Variants in NRG1 observed in about 807,000 individuals in gnomAD.
NRG1 encodes the protein neuregulin 1.
A neutral mutation model predicts 63.8 loss-of-function variants in NRG1; 18 were observed. The ratio of observed to expected loss-of-function variants is 0.28; its 90% CI spans 0.19 to 0.42. NRG1 has a LOEUF of 0.42. NRG1 is among the 10% of genes least tolerant of loss of function. The pLI is 1.00. For missense variants in NRG1, 762 were observed against 814.7 expected (o/e 0.94, Z 0.79); for synonymous variants, 302 against 301.3 (o/e 1.00, Z -0.02).
At chr8:32,369,666 G>T (rs1808552864) in intron 1 of NRG1, among the ~76,000 whole-genome samples, 1 of 152,168 alleles carries the variant, frequency 6.6e-6, no homozygotes, top group Non-Finnish European at 1.5e-5. Flanking sequence ...AAAGCTGCAG[G>T]TTGTCTGCCA....
At chr8:32,361,727 A>C (rs1001925824) in intron 1 of NRG1, among the ~76,000 whole-genome samples, 1 of 152,148 alleles carries the variant, frequency 6.6e-6, no homozygotes, top group Admixed American at 6.6e-5. Flanking sequence ...TCATTGCTCA[A>C]ACTTCCTGTA....
chr8:32,495,594 C>T (rs1827114646), intron 1 of NRG1, among the ~76,000 whole-genome samples: 1 of 152,104 alleles, frequency 6.6e-6, no homozygotes, highest in African/African-American at 2.4e-5. Flanking sequence ...TCCCGAGCAG[C>T]TGGGATTACA....
At chr8:31,907,453 G>A (rs1338542183) in intron 1 of NRG1, among the ~76,000 whole-genome samples, 3 of 150,498 alleles carry the variant, frequency 2.0e-5, no homozygotes, top group East Asian at 2.0e-4. Context: ...TGTAGTTCTC[G>A]AGAGTTATAG....
intron 1 of NRG1, among the ~76,000 whole-genome samples, chr8:32,486,184 G>A (rs1014652316): frequency 6.6e-6 from 1 of 151,878 alleles, no homozygotes; most frequent in Non-Finnish European, 1.5e-5. Context: ...TGCCCACTTC[G>A]GCCTCCCAAA....
intron 5 of NRG1, 121 bp from the exon 6 acceptor site, chr8:32,727,828 C>A (rs1200279812): frequency 2.2e-6 from 2 of 928,306 alleles, no homozygotes; most frequent in Non-Finnish European, 3.2e-6. Context: ...GTAAGGTCTG[C>A]AAGTTTAGTG....
chr8:32,379,879 G>A (rs1018402512), intron 1 of NRG1, among the ~76,000 whole-genome samples: 8 of 152,168 alleles, frequency 5.3e-5, no homozygotes, highest in Non-Finnish European at 7.4e-5. Context: ...GGATTTCCCC[G>A]TATCATGAAT....
At chr8:32,623,762 A>T (rs1169796150) in intron 5 of NRG1, among the ~76,000 whole-genome samples, 1 of 152,162 alleles carries the variant, frequency 6.6e-6, no homozygotes, top group Non-Finnish European at 1.5e-5. Context: ...TTTTTTAAAC[A>T]ATACTGCTTG....
At chr8:32,376,597 G>A (rs10503913) in intron 1 of NRG1, among the ~76,000 whole-genome samples, 125,202 of 152,152 alleles carry the variant, frequency 0.82, 51,627 homozygotes, top group Middle Eastern at 0.9. Flanking sequence ...ATAAATTGGG[G>A]CTATCCATTG....
At chr8:31,925,090 T>G (rs1834229053) in intron 1 of NRG1, among the ~76,000 whole-genome samples, 1 of 35,108 alleles carries the variant, frequency 2.8e-5, no homozygotes, top group Non-Finnish European at 6.5e-5. Flanking sequence ...AAGCAGTGCA[T>G]TATAAATGCA....
intron 1 of NRG1, among the ~76,000 whole-genome samples, chr8:31,687,499 C>T (rs1809025694): frequency 6.6e-6 from 1 of 152,224 alleles, no homozygotes; most frequent in Non-Finnish European, 1.5e-5. Context: ...TGTACCTGAT[C>T]TGCAGACTGA....
At chr8:32,553,006 C>G (rs1262420237) in intron 1 of NRG1, among the ~76,000 whole-genome samples, 1 of 152,122 alleles carries the variant, frequency 6.6e-6, no homozygotes, top group Non-Finnish European at 1.5e-5. Context: ...GTCATCCGTC[C>G]TTTCGAAAAT....
intron 5 of NRG1, among the ~76,000 whole-genome samples, chr8:32,638,722 A>G (rs1296850588): frequency 6.6e-6 from 1 of 152,304 alleles, no homozygotes; most frequent in East Asian, 1.9e-4. Flanking sequence ...AAATCATAAG[A>G]TATTTTTATC....
intron 1 of NRG1, among the ~76,000 whole-genome samples, chr8:32,488,174 G>A (rs533615736): frequency 7.2e-5 from 11 of 152,094 alleles, no homozygotes; most frequent in African/African-American, 2.2e-4. Flanking sequence ...CCATTATTTC[G>A]CCTAAATATT....
chr8:31,669,505 C>T (rs1280791960), intron 1 of NRG1, among the ~76,000 whole-genome samples: 1 of 152,114 alleles, frequency 6.6e-6, no homozygotes, highest in Non-Finnish European at 1.5e-5. Context: ...TCCCAAAGTT[C>T]TGGGATTACA....
At chr8:32,021,767 C>CAT (rs1290742767) in intron 1 of NRG1, among the ~76,000 whole-genome samples, 1 of 152,160 alleles carries the variant, frequency 6.6e-6, no homozygotes, top group Non-Finnish European at 1.5e-5. Flanking sequence ...GCTGCATGGA[C>CAT]ATACAACATT....
intron 1 of NRG1, among the ~76,000 whole-genome samples, chr8:32,514,283 G>A (rs1298883518): frequency 1.3e-5 from 2 of 152,076 alleles, no homozygotes; most frequent in Admixed American, 1.3e-4. Flanking sequence ...CTGCTATTGT[G>A]TGTGTATATA....
chr8:32,002,841 G>T (rs2129706899), intron 1 of NRG1, among the ~76,000 whole-genome samples: 1 of 152,118 alleles, frequency 6.6e-6, no homozygotes, highest in Non-Finnish European at 1.5e-5. Context: ...AGTACATTTT[G>T]GTGTTTCCAA....
intron 1 of NRG1, among the ~76,000 whole-genome samples, chr8:32,097,194 A>C (rs902390769): frequency 3.3e-5 from 5 of 152,198 alleles, no homozygotes; most frequent in Non-Finnish European, 7.3e-5. Flanking sequence ...TCTTGTGGCT[A>C]AATAATATTC....
intron 7 of NRG1, among the ~76,000 whole-genome samples, chr8:32,747,792 A>G (rs1827759680): frequency 6.7e-6 from 1 of 149,322 alleles, no homozygotes; most frequent in South Asian, 2.1e-4. Context: ...ATTTCCTTAA[A>G]GGGCAGCAAG....
Sources: gnomAD v4.1 joint callset for allele counts (sites outside exome capture counted in the v4.1 genomes callset) on GRCh38, gnomAD v4.1.1 for gene constraint, MANE v1.5 for transcripts, NCBI Gene and HGNC (gene_info 2026-07-23, HGNC 2026-07-21) for gene names.